Variants in NEK1 observed in about 807,000 individuals in gnomAD.
NEK1 encodes the protein serine/threonine-protein kinase Nek1.
A neutral mutation model predicts 182.1 loss-of-function variants in NEK1; 137 were observed. That is an observed-to-expected ratio of 0.75 (90% CI 0.65 to 0.87). NEK1 has a LOEUF of 0.87. Among genes scored for constraint, NEK1 ranks in the 40% least tolerant of loss-of-function variants. The pLI is 0.00. For synonymous variants in NEK1, 513 were observed against 492.2 expected, an observed-to-expected ratio of 1.04 and a Z score of -0.56; for missense variants, 1,391 against 1,494.4, an observed-to-expected ratio of 0.93 and a Z score of 1.14.
chr4:169,450,067 G>T (rs1741402660), intron 27 of NEK1, among the ~76,000 whole-genome samples: 1 of 152,226 alleles, frequency 6.6e-6, no homozygotes, highest in Admixed American at 6.5e-5. Flanking sequence ...TCAAGTGGAA[G>T]AAAGGGTATC....
intron 27 of NEK1, among the ~76,000 whole-genome samples, chr4:169,450,948 A>G (rs193156383): frequency 2.4e-4 from 36 of 152,340 alleles, no homozygotes; most frequent in African/African-American, 8.7e-4. Context: ...AAGATCTACC[A>G]AGCAAATGGA....
chr4:169,497,614 T>C (rs1015505394), intron 23 of NEK1, among the ~76,000 whole-genome samples: 1 of 152,238 alleles, frequency 6.6e-6, no homozygotes, highest in African/African-American at 2.4e-5. Flanking sequence ...GTCTTTGTTC[T>C]CATTGGTTTC....
chr4:169,435,452 ATTATT>A (rs1738233947), intron 28 of NEK1, among the ~76,000 whole-genome samples: 1 of 152,142 alleles, frequency 6.6e-6, no homozygotes, highest in Non-Finnish European at 1.5e-5. Context: ...AATGAATAAG[ATTATT>A]TAAGTTACTG....
intron 23 of NEK1, among the ~76,000 whole-genome samples, chr4:169,493,866 T>A (rs1249129523): frequency 1.3e-5 from 2 of 152,190 alleles, no homozygotes; most frequent in Admixed American, 1.3e-4. Context: ...GGAAAACATA[T>A]TTCAGGGTAT....
intron 19 of NEK1, among the ~76,000 whole-genome samples, chr4:169,515,365 G>A (rs1305915372): frequency 6.6e-6 from 1 of 152,036 alleles, no homozygotes; most frequent in African/African-American, 2.4e-5. Flanking sequence ...TCTATCAATT[G>A]CTGAGAGCAG....
intron 27 of NEK1, among the ~76,000 whole-genome samples, chr4:169,445,345 A>T (rs1452611783): frequency 2.0e-5 from 3 of 152,158 alleles, no homozygotes; most frequent in African/African-American, 7.2e-5. Context: ...GGATTGCTTG[A>T]GCCCAGGAGT....
At chr4:169,508,742 G>T in intron 20 of NEK1, 27 bp downstream of exon 20, 3 of 1,503,920 alleles carry the variant, frequency 2.0e-6, no homozygotes, top group Non-Finnish European at 2.7e-6. Context: ...CTATGTGATG[G>T]AGGTAGCGAA....
intron 27 of NEK1, among the ~76,000 whole-genome samples, chr4:169,459,118 A>C (rs751004005): frequency 2.0e-5 from 3 of 152,154 alleles, no homozygotes; most frequent in Non-Finnish European, 2.9e-5. Flanking sequence ...CCGTATTTGC[A>C]AAAGACATAT....
chr4:169,607,874 A>T (rs1378733625), intron 2 of NEK1, among the ~76,000 whole-genome samples: 1 of 152,178 alleles, frequency 6.6e-6, no homozygotes, highest in African/African-American at 2.4e-5. Flanking sequence ...AGGCAGGATT[A>T]CTAGCCTATA....
At chr4:169,419,209 GAAGAT>G (rs1380710243) in intron 31 of NEK1, among the ~76,000 whole-genome samples, 7 of 151,938 alleles carry the variant, frequency 4.6e-5, no homozygotes, top group Admixed American at 1.3e-4. Flanking sequence ...CTATATACAT[GAAGAT>G]AAGAAAGCTC....
At chr4:169,440,342 A>AT (rs1739209328) in intron 27 of NEK1, among the ~76,000 whole-genome samples, 1 of 152,000 alleles carries the variant, frequency 6.6e-6, no homozygotes, top group African/African-American at 2.4e-5. Context: ...ATGGTAAAAA[A>AT]TTTTTTTAAA....
intron 23 of NEK1, among the ~76,000 whole-genome samples, chr4:169,484,633 T>C (rs1035456608): frequency 6.6e-6 from 1 of 152,072 alleles, no homozygotes; most frequent in African/African-American, 2.4e-5. Context: ...TAGAAAGAAC[T>C]AACTCTGTAA....
At chr4:169,495,682 T>C (rs1751109812) in intron 23 of NEK1, among the ~76,000 whole-genome samples, 1 of 152,232 alleles carries the variant, frequency 6.6e-6, no homozygotes, top group South Asian at 2.1e-4. Context: ...TTTTTCGTTT[T>C]TGTCAGGTTT....
chr4:169,433,566 T>C lies in NEK1; in HGVS notation c.2864A>G (p.Glu955Gly). 1 of 1,610,522 alleles carries C rather than the reference T, an allele frequency of 6.2e-7. No homozygotes were observed. Residue 955 changes from glutamate to glycine, a missense_variant, in exon 29 of 36, where the codon GAA (glutamate) becomes GGA (glycine). Physicochemically the swap from Glu to Gly is moderately conservative, Grantham distance 98 (BLOSUM62 -2). This residue lies in a region of NEK1 where 1,216 missense variants were observed against 1,277.6 expected (regional missense o/e 0.95). Transcript: ENST00000507142. ...CTITDVWISEEKETKETQSAD... is the reference protein window; with the variant it reads ...CTITDVWISEGKETKETQSAD... ...ATACTGAGTTTCCTTTGTTTCTTTT[T>C]CCTCACTAATCCACACATCAGTAAT...
intron 11 of NEK1, among the ~76,000 whole-genome samples, chr4:169,577,881 C>T (rs1321090692): frequency 1.3e-5 from 2 of 151,818 alleles, no homozygotes; most frequent in African/African-American, 4.8e-5. Flanking sequence ...CAACTTTTTT[C>T]CTTCATATAA....
At chr4:169,400,803 C>T (rs1731539493) in intron 33 of NEK1, among the ~76,000 whole-genome samples, 152 bp from the exon 34 acceptor site, 1 of 151,890 alleles carries the variant, frequency 6.6e-6, no homozygotes. Context: ...TAATATTTGT[C>T]CTTTATTTGG....
At chr4:169,556,155 T>C in intron 16 of NEK1, 60 bp from the exon 17 acceptor site, 1 of 1,429,580 alleles carries the variant, frequency 7.0e-7, no homozygotes, top group South Asian at 1.4e-5. Flanking sequence ...AGGCCTGTAC[T>C]AGTCTCAAAA....
At chr4:169,539,732 T>C (rs1464881294) in intron 18 of NEK1, among the ~76,000 whole-genome samples, 1 of 152,156 alleles carries the variant, frequency 6.6e-6, no homozygotes, top group East Asian at 1.9e-4. Flanking sequence ...AACTCTATGG[T>C]TACAGATAAG....
At chr4:169,575,870 A>G (rs949520527) in intron 12 of NEK1, among the ~76,000 whole-genome samples, 12 of 152,154 alleles carry the variant, frequency 7.9e-5, no homozygotes, top group Non-Finnish European at 1.2e-4. Context: ...AGCACTAGGA[A>G]TAGCAGCTGC....
Sources: gnomAD v4.1 joint callset for allele counts (sites outside exome capture counted in the v4.1 genomes callset) on GRCh38, gnomAD v4.1.1 for gene constraint, gnomAD v4.1.1 regional missense constraint, MANE v1.5 for transcripts, NCBI Gene and HGNC (gene_info 2026-07-23, HGNC 2026-07-21) for gene names.